Variants in ARHGEF3 observed in about 807,000 individuals in gnomAD.
ARHGEF3 encodes the protein Rho guanine nucleotide exchange factor 3.
A neutral mutation model predicts 63.2 loss-of-function variants in ARHGEF3; 28 were observed. The observed-to-expected ratio is 0.44, with a 90% confidence interval of 0.33 to 0.61. The LOEUF is 0.61. ARHGEF3 is among the 20% of genes least tolerant of loss of function. The probability of loss-of-function intolerance (pLI) is 0.03; values close to 1 mark genes in which losing one functional copy is unlikely to be tolerated. For synonymous variants in ARHGEF3, 266 were observed against 254.2 expected (o/e 1.05, Z -0.44); for missense variants, 533 against 659.3 (o/e 0.81, Z 2.10).
At chr3:56,839,986 C>T (rs528714056) in intron 4 of ARHGEF3, among the ~76,000 whole-genome samples, 2 of 152,300 alleles carry the variant, frequency 1.3e-5, no homozygotes, top group South Asian at 2.1e-4. Context: ...CCCCCAGATC[C>T]CAGGCATTAT....
chr3:57,046,941 G>A (rs1265629988), intron 1 of ARHGEF3, among the ~76,000 whole-genome samples: 1 of 152,200 alleles, frequency 6.6e-6, no homozygotes, highest in African/African-American at 2.4e-5. Context: ...AGAGAAATGT[G>A]ATTCCATAAT....
chr3:56,926,217 G>A lies in ARHGEF3; in HGVS notation c.129+32606C>T, dbSNP rs544254160. 2.7e-3 allele frequency among the ~76,000 whole-genome samples: 416 copies of A among 152,252 alleles called. 6 individuals are homozygous for A. Among genetic ancestry groups the A allele is most frequent in the Non-Finnish European group, 4.6e-3 (314 of 68,014 alleles). On this transcript the variant is annotated intron_variant, in intron 3 of 12. Transcript: ENST00000338458. ...CCAGGCTGAGGAGAGGGGGGTCAGC[G>A]CAAAGGTGAGAAGTGGGAACAGCAA... is the stretch of plus-strand genomic sequence containing the variant.
intron 3 of ARHGEF3, among the ~76,000 whole-genome samples, chr3:56,931,502 G>A (rs2042409314): frequency 7.2e-6 from 1 of 138,550 alleles, no homozygotes; most frequent in Non-Finnish European, 1.5e-5. Context: ...CCTGAGCCCA[G>A]GAGGTCAAGG....
intron 4 of ARHGEF3, among the ~76,000 whole-genome samples, chr3:56,859,275 C>T (rs1361583225): frequency 1.3e-5 from 2 of 151,726 alleles, no homozygotes; most frequent in Non-Finnish European, 2.9e-5. Context: ...GTAGCTGGGA[C>T]TACAGGCGCC....
chr3:56,838,182 C>G (rs1244491531), intron 4 of ARHGEF3, among the ~76,000 whole-genome samples: 2 of 152,118 alleles, frequency 1.3e-5, no homozygotes, highest in Non-Finnish European at 2.9e-5. Context: ...CTATATTTCC[C>G]AACTTTTCTA....
intron 4 of ARHGEF3, among the ~76,000 whole-genome samples, chr3:56,821,964 AGAAG>A: frequency 1.0e-4 from 1 of 9,968 alleles, no homozygotes; most frequent in Non-Finnish European, 2.5e-4. Flanking sequence ...CTCTGTCTCG[AGAAG>A]AGAAGAGAAG....
At chr3:56,821,206 A>T (rs2038479970) in intron 4 of ARHGEF3, among the ~76,000 whole-genome samples, 1 of 152,118 alleles carries the variant, frequency 6.6e-6, no homozygotes, top group Admixed American at 6.6e-5. Flanking sequence ...TCAGGTAGAG[A>T]GGTATAGCAG....
chr3:56,752,074 A>AT (rs1194848843), intron 4 of ARHGEF3, among the ~76,000 whole-genome samples: 1 of 126,482 alleles, frequency 7.9e-6, no homozygotes, highest in African/African-American at 4.2e-5. Flanking sequence ...TTTAAAAAAT[A>AT]TTTTTTTCTT....
Position 56,893,929 on chromosome 3 carries a change from G to A in ARHGEF3, c.130-11575C>T, listed in dbSNP as rs868474353. Among the ~76,000 whole-genome samples, 5 of 149,912 alleles carry A rather than the reference G, an allele frequency of 3.3e-5. No individual in the cohort carries two copies. In the South Asian group the frequency reaches 8.5e-4, roughly 25 times the overall value. On this transcript the variant is annotated intron_variant, in intron 3 of 12. Coordinates refer to the ARHGEF3 transcript ENST00000338458. Reference sequence around the variant, plus strand: ...GTACAAAGAAGTTATTACATATAAGGAAACTGAGACTTAAAGAGTTTAAAT... The same window carrying A: ...GTACAAAGAAGTTATTACATATAAGAAAACTGAGACTTAAAGAGTTTAAAT...
chr3:56,932,467 ACT>A (rs2042440786), intron 3 of ARHGEF3, among the ~76,000 whole-genome samples: 2 of 151,890 alleles, frequency 1.3e-5, no homozygotes, highest in African/African-American at 4.8e-5. Flanking sequence ...CTGAATTAAA[ACT>A]CTTCCTCAAC....
intron 1 of ARHGEF3, among the ~76,000 whole-genome samples, chr3:56,785,715 G>A (rs114164479): frequency 0.012 from 1,790 of 152,304 alleles, 34 homozygotes; most frequent in African/African-American, 0.041. Flanking sequence ...GTGTCCCAAA[G>A]GAAGGACAGA....
At chr3:56,992,596 G>C (rs1701808458) in intron 2 of ARHGEF3, among the ~76,000 whole-genome samples, 1 of 151,922 alleles carries the variant, frequency 6.6e-6, no homozygotes, top group African/African-American at 2.4e-5. Context: ...CAGGGGATGA[G>C]CCAGGTAAAG....
chr3:56,791,234 C>G (rs530976148), intron 1 of ARHGEF3, among the ~76,000 whole-genome samples: 39 of 152,090 alleles, frequency 2.6e-4, no homozygotes, highest in African/African-American at 8.9e-4. Flanking sequence ...GAGACCCTGA[C>G]TCTAGAAAAA....
At chr3:57,075,147 A>G (rs1160496466) in intron 1 of ARHGEF3, 2 of 167,038 alleles carry the variant, frequency 1.2e-5, no homozygotes, top group African/African-American at 2.4e-5. Context: ...TTCTGCTCCA[A>G]TGCTATCTCC....
chr3:56,802,053 A>T, upstream of ARHGEF3: 1 of 1,332,346 alleles, frequency 7.5e-7, no homozygotes. Flanking sequence ...GGGAGGGCCC[A>T]CGTGCCGCAG....
chr3:56,729,627 A>G lies in ARHGEF3; in HGVS notation c.1229-5T>C. The G allele has an allele frequency of 6.3e-7, 1 of 1,589,428 alleles. No individual in the cohort carries two copies. The highest frequency in any genetic ancestry group is 8.6e-7 in the Non-Finnish European group (1 of 1,166,152). On this transcript the variant is annotated splice_region_variant and splice_polypyrimidine_tract_variant and intron_variant, in intron 9 of 9. Coordinates refer to ENST00000296315, the MANE Select transcript of ARHGEF3 (RefSeq NM_019555.3). The stretch of plus-strand genomic sequence containing the variant: ...TGACTCTGAAGAAGTTTTTAACTAG[A>G]AAGGAAAAACACATGAAAAACAAAG...
intron 1 of ARHGEF3, among the ~76,000 whole-genome samples, chr3:57,045,059 G>A (rs896406138): frequency 2.6e-4 from 39 of 152,270 alleles, no homozygotes; most frequent in African/African-American, 8.9e-4. Flanking sequence ...CTGAACTCAG[G>A]AGTTCAAGAC....
At chr3:56,823,169 T>C (rs1280705654) in intron 4 of ARHGEF3, among the ~76,000 whole-genome samples, 1 of 152,210 alleles carries the variant, frequency 6.6e-6, no homozygotes, top group African/African-American at 2.4e-5. Flanking sequence ...TATTATCCTA[T>C]AGTTTCCTCT....
intron 2 of ARHGEF3, among the ~76,000 whole-genome samples, chr3:56,971,836 AGAGC>A (rs1700925478): frequency 6.6e-6 from 1 of 151,996 alleles, no homozygotes; most frequent in Non-Finnish European, 1.5e-5. Flanking sequence ...CCTGGGCAAC[AGAGC>A]GAGACTCCAT....
Sources: gnomAD v4.1 joint callset for allele counts (sites outside exome capture counted in the v4.1 genomes callset) on GRCh38, gnomAD v4.1.1 for gene constraint, MANE v1.5 for transcripts, NCBI Gene and HGNC (gene_info 2026-07-23, HGNC 2026-07-21) for gene names.